PRELID2: variants seen among roughly 807,000 people sequenced by gnomAD.
PRELID2 encodes the protein PRELI domain containing 2, also known as PRELI domain-containing protein 2.
A neutral mutation model predicts 28.4 loss-of-function variants in PRELID2; 25 were observed. The observed-to-expected ratio is 0.88, with a 90% confidence interval of 0.64 to 1.23. The LOEUF is 1.23. Among genes scored for constraint, PRELID2 ranks in the 50% most tolerant of loss-of-function variants. PRELID2 has a pLI of 0.00. For synonymous variants in PRELID2, 76 were observed against 71.6 expected (o/e 1.06, Z -0.31); for missense variants, 201 against 214.4 (o/e 0.94, Z 0.39).
At chr5:145,431,274 CAT>C in the PRELID2 span, among the ~76,000 whole-genome samples, 10 of 151,870 alleles carry the variant, frequency 6.6e-5, 1 homozygote, top group Admixed American at 6.6e-4. Flanking sequence ...GTTCTAGAAA[CAT>C]GTTTCAGCAT....
At chr5:145,391,612 A>G in the PRELID2 span, among the ~76,000 whole-genome samples, 8 of 151,850 alleles carry the variant, frequency 5.3e-5, no homozygotes, top group African/African-American at 1.9e-4. Context: ...TGTCTTGGTG[A>G]TTAACATTCA....
At chr5:145,647,603 A>G (rs910478195) in intron 1 of PRELID2, among the ~76,000 whole-genome samples, 2 of 152,222 alleles carry the variant, frequency 1.3e-5, no homozygotes, top group Non-Finnish European at 2.9e-5. Flanking sequence ...CAACTCCTGC[A>G]GCTAGTTCAG....
the PRELID2 span, among the ~76,000 whole-genome samples, chr5:145,302,465 T>A: frequency 6.6e-6 from 1 of 152,038 alleles, no homozygotes; most frequent in Non-Finnish European, 1.5e-5. Flanking sequence ...ATATCAAGAG[T>A]TTTATACTTG....
chr5:145,595,074 G>A (rs1171453653), intron 1 of PRELID2, among the ~76,000 whole-genome samples: 1 of 151,662 alleles, frequency 6.6e-6, no homozygotes, highest in Non-Finnish European at 1.5e-5. Context: ...GTTGCAGTGA[G>A]CCAAGATCGT....
At chr5:145,415,724 A>T in the PRELID2 span, among the ~76,000 whole-genome samples, 2,357 of 151,940 alleles carry the variant, frequency 0.016, 53 homozygotes, top group African/African-American at 0.053. Context: ...TATTGTGAAT[A>T]GTGCCACAAT....
intron 1 of PRELID2, among the ~76,000 whole-genome samples, chr5:145,683,996 C>T (rs886619896): frequency 2.0e-5 from 3 of 152,070 alleles, no homozygotes; most frequent in African/African-American, 7.2e-5. Flanking sequence ...AGGGGAGATT[C>T]CAGGAAGCAA....
intron 1 of PRELID2, among the ~76,000 whole-genome samples, chr5:145,726,226 A>G (rs1440880386): frequency 9.0e-6 from 1 of 110,930 alleles, no homozygotes; most frequent in Admixed American, 9.0e-5. Flanking sequence ...GAAAGGAAGG[A>G]AGGAAGGAAG....
chr5:145,796,368 C>G (rs1752747248), intron 5 of PRELID2, 74 bp downstream of exon 5: 1 of 898,536 alleles, frequency 1.1e-6, no homozygotes, highest in Non-Finnish European at 1.8e-6. Context: ...GCTCATGAGT[C>G]TTATTCAATA....
chr5:145,269,681 A>G, the PRELID2 span, among the ~76,000 whole-genome samples: 2 of 151,196 alleles, frequency 1.3e-5, no homozygotes, highest in African/African-American at 4.8e-5. Context: ...GACACCATTA[A>G]GAAGAGAAGA....
chr5:145,790,611 T>C (rs887873962), intron 5 of PRELID2, among the ~76,000 whole-genome samples: 1 of 151,382 alleles, frequency 6.6e-6, no homozygotes, highest in African/African-American at 2.4e-5. Context: ...TCAAAATTGC[T>C]AAGAGTAAAC....
the PRELID2 span, among the ~76,000 whole-genome samples, chr5:145,309,095 CA>C: frequency 1.6e-5 from 2 of 121,696 alleles, no homozygotes; most frequent in African/African-American, 3.7e-5. Context: ...TCAGAGTGGT[CA>C]AGTCATAATA....
chr5:145,445,046 G>A, the PRELID2 span, among the ~76,000 whole-genome samples: 1 of 151,874 alleles, frequency 6.6e-6, no homozygotes, highest in African/African-American at 2.4e-5. Flanking sequence ...AACTTGTATG[G>A]AACCACAAAA....
At chr5:145,590,015 A>T (rs1433382531) in intron 1 of PRELID2, among the ~76,000 whole-genome samples, 1 of 152,214 alleles carries the variant, frequency 6.6e-6, no homozygotes, top group Admixed American at 6.5e-5. Context: ...CATATGAATT[A>T]TGTACTAGGA....
rs1479409557 is a variant in PRELID2 at position 145,741,416 on chromosome 5, T to TA, written n.70+23514dup. Among the ~76,000 whole-genome samples, 17 of 112,914 alleles carry TA rather than the reference T, an allele frequency of 1.5e-4. 1 individual carries two copies. Among genetic ancestry groups the TA allele is most frequent in the Admixed American group, 4.0e-4 (4 of 10,110 alleles). The allele number at this position is 112,914 out of a possible 152,430, so 74.1% of individuals were successfully genotyped here. Reference sequence around the variant, plus strand: ...TTTATATATAAACAAAATTTATTTATAATTTATTTATATATAAACAAAATT... The same window carrying TA: ...TTTATATATAAACAAAATTTATTTATAAATTTATTTATATATAAACAAAATT... On this transcript the variant is annotated intron_variant and non_coding_transcript_variant, in intron 1 of 2. Coordinates refer to the PRELID2 transcript ENST00000510259.
chr5:145,740,290 ATATATATATATATATATATATATATATAT>A (rs1756626269), intron 1 of PRELID2, among the ~76,000 whole-genome samples: 37 of 85,764 alleles, frequency 4.3e-4, no homozygotes, highest in Middle Eastern at 5.2e-3. Flanking sequence ...ATATATATAT[ATATATATATATATATATATATATATATAT>A]AAATCCTAAA....
the PRELID2 span, among the ~76,000 whole-genome samples, chr5:145,460,395 C>T: frequency 1.3e-5 from 2 of 152,146 alleles, no homozygotes. Context: ...ATCCTCTATT[C>T]TATTATCATA....
the PRELID2 span, among the ~76,000 whole-genome samples, chr5:145,387,125 G>A: frequency 5.3e-5 from 8 of 152,152 alleles, no homozygotes; most frequent in South Asian, 1.2e-3. Flanking sequence ...CTCGGGTAAT[G>A]TGCATGACCA....
intron 1 of PRELID2, among the ~76,000 whole-genome samples, chr5:145,521,552 T>TAC (rs1196990581): frequency 5.6e-5 from 8 of 143,820 alleles, no homozygotes; most frequent in African/African-American, 1.5e-4. Flanking sequence ...CTGTATACAT[T>TAC]ACACACACAC....
the PRELID2 span, among the ~76,000 whole-genome samples, chr5:145,274,048 T>C: frequency 6.6e-6 from 1 of 152,264 alleles, no homozygotes; most frequent in South Asian, 2.1e-4. Context: ...CTACAGATTT[T>C]AAATAAATGC....
Sources: allele counts gnomAD v4.1 joint callset (sites outside exome capture counted in the v4.1 genomes callset), GRCh38; gene constraint gnomAD v4.1.1; transcripts MANE v1.5; gene names NCBI Gene and HGNC (gene_info 2026-07-23, HGNC 2026-07-21).